The following MCPH1 variants were observed in gnomAD, a reference collection of about 807,000 sequenced individuals.
The protein encoded by MCPH1 is microcephalin 1.
In MCPH1, 104 loss-of-function variants were observed where a neutral mutation model predicts 84.5. The observed-to-expected ratio is 1.23, with a 90% CI of 1.05 to 1.45. The LOEUF is 1.45. MCPH1 is among the 40% of genes most tolerant of loss of function. MCPH1 has a pLI of 0.00. For synonymous variants in MCPH1, 514 were observed against 366.8 expected (o/e 1.40, Z -4.58); for missense variants, 1,498 against 1,005.7 (o/e 1.49, Z -6.62).
intron 12 of MCPH1, among the ~76,000 whole-genome samples, chr8:6,611,893 C>A (rs1417466298): frequency 6.6e-6 from 1 of 152,214 alleles, no homozygotes; most frequent in African/African-American, 2.4e-5. Context: ...GCTGGGATTA[C>A]AGGCGTGAGC....
intron 12 of MCPH1, among the ~76,000 whole-genome samples, chr8:6,504,583 T>A (rs1812893526): frequency 6.6e-6 from 1 of 152,168 alleles, no homozygotes; most frequent in Admixed American, 6.5e-5. Flanking sequence ...AGAGTGATGA[T>A]GCTGGCAATT....
chr8:6,621,211 C>G, intron 12 of MCPH1: 1 of 502,864 alleles, frequency 2.0e-6, no homozygotes, highest in South Asian at 2.4e-5. Context: ...AAGGCCTACA[C>G]TTTTTTTTTT....
chr8:6,505,606 ATATT>A (rs1411007242), intron 12 of MCPH1, among the ~76,000 whole-genome samples: 18 of 127,454 alleles, frequency 1.4e-4, no homozygotes, highest in East Asian at 6.7e-4. Context: ...TGGAATATAT[ATATT>A]CTTTATATAT....
intron 11 of MCPH1, among the ~76,000 whole-genome samples, chr8:6,482,611 G>A (rs535224000): frequency 7.9e-5 from 12 of 152,156 alleles, no homozygotes; most frequent in South Asian, 2.1e-4. Context: ...ATTCTTCTGG[G>A]ACTTGGAGCA....
At chr8:6,439,987 C>G (rs1006143690) in intron 6 of MCPH1, among the ~76,000 whole-genome samples, 8 of 152,088 alleles carry the variant, frequency 5.3e-5, no homozygotes, top group African/African-American at 1.9e-4. Context: ...GGTTTGGTTT[C>G]TGTGTGGAGG....
At chr8:6,633,751 C>G (rs985040161) in intron 13 of MCPH1, among the ~76,000 whole-genome samples, 5 of 152,286 alleles carry the variant, frequency 3.3e-5, no homozygotes, top group South Asian at 2.1e-4. Context: ...AGATTCCCCA[C>G]GATACCTCAC....
intron 12 of MCPH1, chr8:6,502,307 G>C (rs1812341865): frequency 6.6e-6 from 1 of 151,974 alleles, no homozygotes; most frequent in Non-Finnish European, 1.5e-5. Flanking sequence ...CCCCTAATAA[G>C]TTATATTTAA....
intron 12 of MCPH1, among the ~76,000 whole-genome samples, chr8:6,540,965 C>T (rs1821442316): frequency 6.6e-6 from 1 of 152,084 alleles, no homozygotes; most frequent in Non-Finnish European, 1.5e-5. Flanking sequence ...GACTGCTGTC[C>T]CCAGGGGGCA....
At chr8:6,604,231 C>G (rs2515549) in intron 12 of MCPH1, among the ~76,000 whole-genome samples, 137,538 of 152,006 alleles carry the variant, frequency 0.9, 63,886 homozygotes, top group East Asian at 1. Flanking sequence ...TGGAGCCATC[C>G]CAGACACAGC....
chr8:6,480,945 C>T (rs895839826), intron 11 of MCPH1, 69 bp downstream of exon 11: 2 of 1,555,560 alleles, frequency 1.3e-6, no homozygotes, highest in East Asian at 2.2e-5. Flanking sequence ...CCCTGAGGTG[C>T]CGACATCAGC....
intron 9 of MCPH1, among the ~76,000 whole-genome samples, chr8:6,466,568 A>G (rs577187801): frequency 1.2e-3 from 188 of 152,238 alleles, no homozygotes; most frequent in Non-Finnish European, 2.1e-3. Context: ...TGGTCTCCCA[A>G]AGTGCTGGGA....
chr8:6,477,214 A>G (rs1808584982), intron 9 of MCPH1: 1 of 221,552 alleles, frequency 4.5e-6, no homozygotes. Flanking sequence ...GAGGCTGCCT[A>G]GAAGTCTTGA....
At chr8:6,515,127 G>T (rs1290905273) in intron 12 of MCPH1, among the ~76,000 whole-genome samples, 1 of 152,088 alleles carries the variant, frequency 6.6e-6, no homozygotes, top group Non-Finnish European at 1.5e-5. Flanking sequence ...CATTTTGGCA[G>T]ATTGGCCCCG....
intron 13 of MCPH1, among the ~76,000 whole-genome samples, chr8:6,632,153 A>G (rs1459411316): frequency 1.3e-5 from 2 of 152,222 alleles, no homozygotes; most frequent in African/African-American, 4.8e-5. Flanking sequence ...GAGACAAACT[A>G]TAGTTGAATT....
At chr8:6,478,401 T>C (rs1808753848) in intron 10 of MCPH1, among the ~76,000 whole-genome samples, 1 of 152,234 alleles carries the variant, frequency 6.6e-6, no homozygotes, top group Admixed American at 6.5e-5. Flanking sequence ...CTAAATAGTC[T>C]AATACAGAAG....
chr8:6,431,682 A>G (rs978782769), intron 4 of MCPH1, 96 bp downstream of exon 4: 4 of 833,866 alleles, frequency 4.8e-6, no homozygotes, highest in African/African-American at 1.7e-5. Context: ...AATATATTCA[A>G]GAGTTGTCTT....
chr8:6,605,404 A>G (rs187085554), intron 12 of MCPH1, among the ~76,000 whole-genome samples: 50 of 152,286 alleles, frequency 3.3e-4, no homozygotes, highest in African/African-American at 1.2e-3. Flanking sequence ...ATTCCAATGC[A>G]TTCCCCAAAA....
At chr8:6,434,088 G>C (rs147216046) in intron 4 of MCPH1, among the ~76,000 whole-genome samples, 55 of 152,224 alleles carry the variant, frequency 3.6e-4, no homozygotes, top group African/African-American at 1.2e-3. Context: ...TATACCAGCA[G>C]TTCCTTCCCA....
At chr8:6,534,355 G>T (rs1381009391) in intron 12 of MCPH1, among the ~76,000 whole-genome samples, 1 of 151,952 alleles carries the variant, frequency 6.6e-6, no homozygotes, top group Admixed American at 6.6e-5. Flanking sequence ...TAGGTTATAT[G>T]CAGATCTACC....
Sources: gnomAD v4.1 joint callset for allele counts (sites outside exome capture counted in the v4.1 genomes callset) on GRCh38, gnomAD v4.1.1 for gene constraint, MANE v1.5 for transcripts, NCBI Gene and HGNC (gene_info 2026-07-23, HGNC 2026-07-21) for gene names.